Variants in SLC1A1 observed in about 807,000 individuals in gnomAD.
The protein encoded by SLC1A1 is excitatory amino acid transporter 3.
In SLC1A1, 43 loss-of-function variants were observed where a neutral mutation model predicts 53.3. The observed-to-expected ratio is 0.81, with a 90% CI of 0.63 to 1.04. The LOEUF is 1.04. SLC1A1 is among the 50% of genes least tolerant of loss of function. SLC1A1 has a pLI of 0.00. For synonymous variants in SLC1A1, 307 were observed against 243.2 expected (o/e 1.26, Z -2.44); for missense variants, 748 against 664.9 (o/e 1.12, Z -1.37).
At chr9:4,576,265 G>C (rs951255633) in intron 9 of SLC1A1, 142 bp downstream of exon 9, 1 of 824,352 alleles carries the variant, frequency 1.2e-6, no homozygotes, top group Non-Finnish European at 2.0e-6. Context: ...CCCTGGCCCT[G>C]AACACATTGC....
Position 4,576,080 on chromosome 9 carries a change from G to T in SLC1A1, c.955G>T (p.Gly319Ter), listed in dbSNP as rs1820517435. ...AAAGAACCCTTTCCGATTTGCCATG[G>T]GAATGGCCCAGGCTCTCCTGACAGC... ...VRKNPFRFAMGMAQALLTALM... is the reference protein window; with the variant it reads ...VRKNPFRFAM The change falls in exon 9 of 12, where the codon GGA (glycine) becomes TGA (stop). Residue 319 changes from glycine (G) to a stop codon, truncating the protein, a stop_gained. Coordinates refer to ENST00000262352, the MANE Select transcript of SLC1A1 (RefSeq NM_004170.6). LOFTEE classifies it high-confidence loss of function. 6.2e-7 allele frequency: 1 copy of T among 1,613,060 alleles called. No individual in the cohort carries two copies. The highest frequency in any genetic ancestry group is 8.5e-7 in the Non-Finnish European group (1 of 1,179,132).
At chr9:4,554,127 G>A (rs1334846227) in intron 2 of SLC1A1, 2 of 152,206 alleles carry the variant, frequency 1.3e-5, no homozygotes, top group African/African-American at 4.8e-5. Flanking sequence ...GGAAACAGGA[G>A]GTTGAAGACA....
At chr9:4,562,776 A>G (rs1819081226) in intron 3 of SLC1A1, among the ~76,000 whole-genome samples, 1 of 152,100 alleles carries the variant, frequency 6.6e-6, no homozygotes, top group Non-Finnish European at 1.5e-5. Context: ...ATAGTATTCC[A>G]TGGTGTATAT....
intron 1 of SLC1A1, among the ~76,000 whole-genome samples, chr9:4,493,948 G>T (rs1820323190): frequency 6.6e-6 from 1 of 152,166 alleles, no homozygotes; most frequent in Admixed American, 6.5e-5. Context: ...CATGGACAAG[G>T]AAATGCTAAG....
At chr9:4,537,770 G>T (rs951443819) in intron 1 of SLC1A1, among the ~76,000 whole-genome samples, 1 of 152,062 alleles carries the variant, frequency 6.6e-6, no homozygotes, top group Non-Finnish European at 1.5e-5. Context: ...GAGCCCTTGG[G>T]GGTAGGGAGA....
intron 1 of SLC1A1, among the ~76,000 whole-genome samples, chr9:4,514,451 T>C (rs1821097199): frequency 6.6e-6 from 1 of 152,194 alleles, no homozygotes. Context: ...AGCCAGAGCC[T>C]CCCTGGTTAT....
Position 4,576,669 on chromosome 9 carries a change from A to G in SLC1A1, c.1099A>G (p.Met367Val), listed in dbSNP as rs1820574737. The G allele has an allele frequency of 1.2e-6, 2 of 1,614,216 alleles. No individual in the cohort carries two copies. The highest frequency in any genetic ancestry group is 1.1e-5 in the South Asian group (1 of 91,086). Residue 367 changes from methionine (M) to valine (V), a missense_variant, in exon 10 of 12, where the codon ATG becomes GTG. By Grantham distance (21) the Met-to-Val change is conservative. Transcript: ENST00000262352. ...GTTACCCGTTGGTGCAACAATCAACATGGATGGGACTGCGCTCTATGAAGC... is the reference window on the plus strand; with the variant it reads ...GTTACCCGTTGGTGCAACAATCAACGTGGATGGGACTGCGCTCTATGAAGC... ...FVLPVGATIN[M>V]DGTALYEAVA...
intron 1 of SLC1A1, among the ~76,000 whole-genome samples, chr9:4,520,232 A>T (rs1004506112): frequency 2.6e-5 from 4 of 152,178 alleles, no homozygotes; most frequent in African/African-American, 9.7e-5. Context: ...ACATCCTGCC[A>T]AGTGGAAGTT....
At chr9:4,520,464 T>A (rs2130829866) in intron 1 of SLC1A1, among the ~76,000 whole-genome samples, 1 of 152,362 alleles carries the variant, frequency 6.6e-6, no homozygotes, top group East Asian at 1.9e-4. Flanking sequence ...TTTCTGCTTC[T>A]GGATTTGCCT....
Position 4,576,047 on chromosome 9 carries a change from G to T in SLC1A1, c.922G>T (p.Val308Phe), listed in dbSNP as rs770915053. The change falls in exon 9 of 12, where the codon GTC becomes TTC. Residue 308 changes from valine to phenylalanine, a missense_variant. Physicochemically the swap from Val to Phe is conservative, Grantham distance 50. Coordinates refer to ENST00000262352, the MANE Select transcript of SLC1A1 (RefSeq NM_004170.6). ...IVILPLIYFIVVRKNPFRFAM... is the reference protein window; with the variant it reads ...IVILPLIYFIFVRKNPFRFAM... ...AATTCTCCCGCTGATATATTTCATA[G>T]TCGTACGAAAGAACCCTTTCCGATT... 4 of 1,613,746 alleles carry T rather than the reference G, an allele frequency of 2.5e-6. No individual in the cohort carries two copies. In the South Asian group the frequency reaches 3.3e-5, roughly 13 times the overall value.
chr9:4,522,126 A>G (rs1816098761), intron 1 of SLC1A1, among the ~76,000 whole-genome samples: 1 of 141,628 alleles, frequency 7.1e-6, no homozygotes, highest in Non-Finnish European at 1.5e-5. Flanking sequence ...ATCTCAGCTC[A>G]CTGCAAGCTC....
chr9:4,523,458 T>C (rs1439197053), intron 1 of SLC1A1, among the ~76,000 whole-genome samples: 1 of 152,176 alleles, frequency 6.6e-6, no homozygotes, highest in Non-Finnish European at 1.5e-5. Context: ...GTATTATATA[T>C]CATAATTTTA....
intron 1 of SLC1A1, among the ~76,000 whole-genome samples, chr9:4,496,684 TAGG>T (rs1366596084): frequency 2.6e-5 from 4 of 151,884 alleles, no homozygotes; most frequent in African/African-American, 7.3e-5. Flanking sequence ...TGCTTGAGGC[TAGG>T]AGTTCAAGAC....
chr9:4,582,294 C>T (rs1057477597), intron 10 of SLC1A1, among the ~76,000 whole-genome samples: 4 of 152,224 alleles, frequency 2.6e-5, no homozygotes, highest in African/African-American at 9.7e-5. Context: ...GGCTGCCCCT[C>T]CTGGATTCCA....
chr9:4,504,400 T>A (rs1291424492), intron 1 of SLC1A1, among the ~76,000 whole-genome samples: 3 of 152,256 alleles, frequency 2.0e-5, no homozygotes, highest in Non-Finnish European at 4.4e-5. Context: ...AGAAATTAAT[T>A]AGCCTGTCTG....
intron 1 of SLC1A1, among the ~76,000 whole-genome samples, chr9:4,536,992 A>G (rs994869353): frequency 3.3e-5 from 5 of 152,100 alleles, no homozygotes; most frequent in Admixed American, 1.3e-4. Flanking sequence ...GAATTGAACA[A>G]TGAGAACACT....
chr9:4,494,346 G>A (rs925708582), intron 1 of SLC1A1, among the ~76,000 whole-genome samples: 59 of 152,144 alleles, frequency 3.9e-4, no homozygotes, highest in African/African-American at 1.4e-3. Context: ...ACTCAGTTGT[G>A]TGGCTGGCAT....
intron 1 of SLC1A1, among the ~76,000 whole-genome samples, chr9:4,540,629 C>T (rs1446798529): frequency 6.6e-6 from 1 of 152,180 alleles, no homozygotes; most frequent in African/African-American, 2.4e-5. Flanking sequence ...GGCTCCTGTA[C>T]CTGCTCACCT....
At chr9:4,493,888 G>A (rs945753091) in intron 1 of SLC1A1, among the ~76,000 whole-genome samples, 4 of 152,172 alleles carry the variant, frequency 2.6e-5, no homozygotes, top group Admixed American at 2.6e-4. Context: ...AGCACATGAG[G>A]GGAAATGTAA....
Sources: gnomAD v4.1 joint callset for allele counts (sites outside exome capture counted in the v4.1 genomes callset) on GRCh38, gnomAD v4.1.1 for gene constraint, MANE v1.5 for transcripts, NCBI Gene and HGNC (gene_info 2026-07-23, HGNC 2026-07-21) for gene names.